GPR137: variants seen among roughly 807,000 people sequenced by gnomAD.
GPR137 encodes the protein G protein-coupled receptor 137.
Under a neutral mutation model 38.9 loss-of-function variants are expected in GPR137, and 20 were observed. The ratio of observed to expected loss-of-function variants is 0.51; its 90% CI spans 0.36 to 0.75. The LOEUF is 0.75. GPR137 is among the 30% of genes least tolerant of loss of function. The pLI, the probability that GPR137 is intolerant of heterozygous loss-of-function variation, is 0.00. For synonymous variants in GPR137, 226 were observed against 235.8 expected, an observed-to-expected ratio of 0.96 and a Z score of 0.38; for missense variants, 456 against 526.4, an observed-to-expected ratio of 0.87 and a Z score of 1.31.
chr11:64,280,092 C>T (rs1369919224), upstream of GPR137, among the ~76,000 whole-genome samples: 4 of 151,284 alleles, frequency 2.6e-5, no homozygotes, highest in African/African-American at 7.3e-5. Context: ...CCAAGGCGGG[C>T]GGATCACAAG....
At chr11:64,284,451 C>A, upstream of GPR137, 1 of 1,600,848 alleles carries the variant, frequency 6.2e-7, no homozygotes, top group South Asian at 1.1e-5. Context: ...AGGCAGGTAC[C>A]CCTGGCTTCC....
At chr11:64,281,961 C>T (rs766905518), upstream of GPR137, among the ~76,000 whole-genome samples, 3 of 152,094 alleles carry the variant, frequency 2.0e-5, no homozygotes, top group East Asian at 1.9e-4. Context: ...CCTTGTGATA[C>T]GCCCACCTAG....
upstream of GPR137, chr11:64,284,051 G>C: frequency 8.9e-7 from 1 of 1,128,544 alleles, no homozygotes; most frequent in Non-Finnish European, 1.2e-6. Context: ...TTTTACGAAA[G>C]AGGAAACTGG....
At chr11:64,284,031 T>G, upstream of GPR137, 2 of 878,464 alleles carry the variant, frequency 2.3e-6, no homozygotes, top group Non-Finnish European at 3.4e-6. Flanking sequence ...ATGGTGGTTA[T>G]TAATTGCTGT....
At chr11:64,284,783 C>T, upstream of GPR137, 1 of 1,533,442 alleles carries the variant, frequency 6.5e-7, no homozygotes. Context: ...GAGGCGGGGT[C>T]AACCCGGCCC....
upstream of GPR137, chr11:64,285,694 C>T: frequency 4.1e-6 from 4 of 985,152 alleles, no homozygotes; most frequent in Non-Finnish European, 4.8e-6. Context: ...CTCCTGCCGC[C>T]TCCCGTAACC....
chr11:64,288,643 G>C lies in GPR137; in HGVS notation c.953G>C (p.Arg318Pro). 1.2e-6 allele frequency: 2 copies of C among 1,610,464 alleles called. No individual in the cohort carries two copies. The highest frequency in any genetic ancestry group is 1.7e-5 in the Admixed American group (1 of 59,568). Reference sequence around the variant, plus strand: ...CTCAATGGGCAGGTCTTTGCCTCTCGGTCCTACTTCTTTGACCGGGCTGGG... The same window carrying C: ...CTCAATGGGCAGGTCTTTGCCTCTCCGTCCTACTTCTTTGACCGGGCTGGG... ...HILNGQVFAS[R>P]SYFFDRAGHC... Residue 318 changes from arginine (R) to proline (P), a missense_variant, in exon 6 of 7, where the codon CGG becomes CCG. Coordinates refer to ENST00000438980, the MANE Select transcript of GPR137 (RefSeq NM_001170880.2). This position sits in a 1 kb window ranked among gnomAD's most constrained non-coding sequence, Gnocchi z 5.5.
In GPR137 at chr11:64,289,161, C is replaced by T; in HGVS notation, c.1156C>T (p.His386Tyr). The T allele has an allele frequency of 6.2e-7, 1 of 1,613,688 alleles. No homozygotes were observed. The highest frequency in any genetic ancestry group is 8.5e-7 in the Non-Finnish European group (1 of 1,179,744). Residue 386 changes from histidine to tyrosine, a missense_variant, in exon 7 of 7, where the codon CAC becomes TAC. Physicochemically the swap from His to Tyr is moderately conservative, Grantham distance 83. Coordinates refer to ENST00000438980, the MANE Select transcript of GPR137 (RefSeq NM_001170880.2). ...CTCCCAGGTGCCAGGACCAGGCGGC[C>T]ACCACCACAGTCTCTACTCCACCCC... The part of the protein sequence containing the change: ...LFSQVPGPGG[H>Y]HHSLYSTPQT
Position 64,289,461 on chromosome 11 carries a change from C to T in GPR137, c.*265C>T. On this transcript the variant is annotated 3_prime_UTR_variant, in exon 7 of 7. Transcript: ENST00000438980. Reference sequence around the variant, plus strand: ...ACCGGAGCCAGCTACCTCTCCTGTGCCTGCCACTCAATAAACAGTGTCTGC... The same window carrying T: ...ACCGGAGCCAGCTACCTCTCCTGTGTCTGCCACTCAATAAACAGTGTCTGC... The T allele has an allele frequency of 2.0e-6, 3 of 1,498,342 alleles. No homozygotes were observed. The highest frequency in any genetic ancestry group is 2.7e-6 in the Non-Finnish European group (3 of 1,128,186). 92.8% of individuals were successfully genotyped at this position (1,498,342 alleles called of 1,614,324 possible). A position where few individuals can be genotyped will look rare whatever the true frequency, so the allele number is the denominator to read the frequency against.
upstream of GPR137, among the ~76,000 whole-genome samples, chr11:64,283,763 G>A (rs891334488): frequency 1.3e-5 from 2 of 152,100 alleles, no homozygotes; most frequent in Non-Finnish European, 2.9e-5. Context: ...GCCTGTCACT[G>A]ATTTCTGTCC....
upstream of GPR137, chr11:64,284,716 G>T: frequency 2.0e-6 from 3 of 1,535,960 alleles, no homozygotes; most frequent in Non-Finnish European, 2.6e-6. Context: ...CTTGGGCAAC[G>T]GGAACTGTCA....
At position 64,270,662 on chromosome 11, in the gene GPR137, G is replaced by A. The variant is rs2032438253; in HGVS notation, c.3+1G>A. On this transcript the variant is annotated splice_donor_variant, in intron 1 of 4. Transcript: ENST00000546139. LOFTEE classifies it high-confidence loss of function. ...GAGAATCAAAGGGCCGGGAGCGATG[G>A]TGAGCGCCTGTAATCCCAGCACTTT... 1.7e-6 allele frequency: 1 copy of A among 579,912 alleles called. No individual in the cohort carries two copies. The highest frequency in any genetic ancestry group is 3.3e-6 in the Non-Finnish European group (1 of 307,484). 35.9% of individuals were successfully genotyped at this position (579,912 alleles called of 1,614,324 possible). A position where few individuals can be genotyped will look rare whatever the true frequency, so the allele number is the denominator to read the frequency against.
upstream of GPR137, chr11:64,284,831 G>A: frequency 6.6e-7 from 1 of 1,515,138 alleles, no homozygotes; most frequent in East Asian, 2.5e-5. Context: ...CTCCTCGTCC[G>A]CATCCTTTTT....
Position 64,287,787 on chromosome 11 carries a change from T to C in GPR137, c.474T>C (p.Ala158=), listed in dbSNP as rs747262284. 1.2e-6 allele frequency: 2 copies of C among 1,607,642 alleles called. No homozygotes were observed. Among genetic ancestry groups the C allele is most frequent in the East Asian group, 4.5e-5 (2 of 44,872 alleles). ...TTCTGCTGGTGAACGTGCTGTGTGC[T>C]GTGCTCTCCCATCGGCGCCGGGCAC... ...LLFLLVNVLC[A]VLSHRRRAQP... is the part of the protein sequence containing the mutation. The change falls in exon 3 of 7, where the codon GCT becomes GCC. Residue 158 remains alanine, a synonymous_variant. Transcript: ENST00000438980.
chr11:64,287,495 A>G, intron 2 of GPR137: 3 of 613,400 alleles, frequency 4.9e-6, no homozygotes, highest in Non-Finnish European at 6.1e-6. Flanking sequence ...GCTGGGGCTC[A>G]GACAGAGACT....
upstream of GPR137, chr11:64,284,646 G>A (rs2033737368): frequency 2.0e-6 from 3 of 1,531,320 alleles, no homozygotes; most frequent in Non-Finnish European, 2.6e-6. Context: ...GCCCGATCTC[G>A]AGGCCCCTGA....
chr11:64,287,782 T>C lies in GPR137; in HGVS notation c.469T>C (p.Cys157Arg). The change falls in exon 3 of 7, where the codon TGT becomes CGT. Residue 157 changes from cysteine to arginine, a missense_variant. By Grantham distance (180) the Cys-to-Arg change is radical. Coordinates refer to ENST00000438980, the MANE Select transcript of GPR137 (RefSeq NM_001170880.2). ...SLLFLLVNVL[C>R]AVLSHRRRAQ... ...GCTCTTTCTGCTGGTGAACGTGCTG[T>C]GTGCTGTGCTCTCCCATCGGCGCCG... The C allele has an allele frequency of 6.2e-7, 1 of 1,607,510 alleles. No homozygotes were observed. Among genetic ancestry groups the C allele is most frequent in the Non-Finnish European group, 8.5e-7 (1 of 1,179,926 alleles).
chr11:64,281,682 C>T (rs2033481565), upstream of GPR137, among the ~76,000 whole-genome samples: 1 of 152,202 alleles, frequency 6.6e-6, no homozygotes, highest in African/African-American at 2.4e-5. Flanking sequence ...TGCTGACCAC[C>T]TCTGCTACCA....
At chr11:64,282,963 AGG>A (rs1415885621), upstream of GPR137, among the ~76,000 whole-genome samples, 1,236 of 152,064 alleles carry the variant, frequency 8.1e-3, 19 homozygotes, top group African/African-American at 0.029. Context: ...GTTACGTGGG[AGG>A]ATCACTTAAG....
Sources: gnomAD v4.1 joint callset for allele counts (sites outside exome capture counted in the v4.1 genomes callset) on GRCh38, gnomAD v4.1.1 for gene constraint, Gnocchi (gnomAD v3.1) non-coding constraint, MANE v1.5 for transcripts, NCBI Gene and HGNC (gene_info 2026-07-23, HGNC 2026-07-21) for gene names.